Variants in HERC1 observed in about 807,000 individuals in gnomAD.
HERC1 encodes HECT and RLD domain containing E3 ubiquitin protein ligase family member 1, also known as probable E3 ubiquitin-protein ligase HERC1.
In HERC1, 160 loss-of-function variants were observed where a neutral mutation model predicts 554.3. The observed-to-expected ratio is 0.29, with a 90% CI of 0.25 to 0.33. The LOEUF is 0.33. HERC1 is among the 10% of genes least tolerant of loss of function. The probability of loss-of-function intolerance (pLI) is 1.00; values close to 1 mark genes in which losing one functional copy is unlikely to be tolerated. For missense variants in HERC1, 4,919 were observed against 5,918.5 expected (o/e 0.83, Z 5.54); for synonymous variants, 2,175 against 2,131.7 (o/e 1.02, Z -0.56).
At chr15:63,716,153 T>G in intron 22 of HERC1, 149 bp downstream of exon 22, 1 of 675,166 alleles carries the variant, frequency 1.5e-6, no homozygotes, top group Non-Finnish European at 2.5e-6. Context: ...TAGGAGCCCC[T>G]GTCAGCTAAT....
chr15:63,619,297 T>A (rs766652055), intron 74 of HERC1, among the ~76,000 whole-genome samples: 17 of 152,188 alleles, frequency 1.1e-4, no homozygotes, highest in Non-Finnish European at 1.9e-4. Context: ...CTGGATTATG[T>A]TTATTGATTT....
chr15:63,749,796 A>G lies in HERC1; in HGVS notation c.1903-5T>C. The G allele has an allele frequency of 1.3e-6, 2 of 1,541,102 alleles. No individual in the cohort carries two copies. The highest frequency in any genetic ancestry group is 2.4e-5 in the East Asian group (1 of 42,048). ...TCCACAGCCCCAAGCATAGACCTGA[A>G]AAAAACAGAAATACGTTACACATAA... is the stretch of plus-strand genomic sequence containing the variant. On this transcript the variant is annotated splice_polypyrimidine_tract_variant and splice_region_variant and intron_variant, in intron 8 of 77. Transcript: ENST00000443617. This position sits in a 1 kb window ranked among gnomAD's most constrained non-coding sequence, Gnocchi z 4.1.
intron 37 of HERC1, among the ~76,000 whole-genome samples, chr15:63,676,410 T>G (rs2071210091): frequency 1.3e-5 from 2 of 152,176 alleles, no homozygotes; most frequent in Admixed American, 6.5e-5. Context: ...ATCCATAGCA[T>G]TCACTAAATT....
chr15:63,642,505 T>G (rs1198492204), intron 59 of HERC1, among the ~76,000 whole-genome samples: 2 of 152,070 alleles, frequency 1.3e-5, no homozygotes, highest in East Asian at 3.9e-4. Flanking sequence ...GCCTGGCTAA[T>G]TTTTGTATTT....
intron 16 of HERC1, among the ~76,000 whole-genome samples, chr15:63,728,041 T>A (rs1567059009): frequency 6.6e-6 from 1 of 152,210 alleles, no homozygotes; most frequent in South Asian, 2.1e-4. Context: ...TAGGAAAGCA[T>A]ATGTATTCTC....
chr15:63,823,765 A>G (rs2077787112), intron 1 of HERC1, among the ~76,000 whole-genome samples: 1 of 152,218 alleles, frequency 6.6e-6, no homozygotes, highest in African/African-American at 2.4e-5. Context: ...ACTATACTAT[A>G]CTACTATTAT....
chr15:63,731,700 C>A (rs1027839841), intron 14 of HERC1, among the ~76,000 whole-genome samples: 2 of 152,076 alleles, frequency 1.3e-5, no homozygotes, highest in Admixed American at 1.3e-4. Flanking sequence ...AAAAAGAGTA[C>A]GTAGACCAGA....
chr15:63,637,511 A>G lies in HERC1; in HGVS notation c.12226T>C (p.Leu4076=). 1 of 1,568,404 alleles carries G rather than the reference A, an allele frequency of 6.4e-7. No homozygotes were observed. Among genetic ancestry groups the G allele is most frequent in the Non-Finnish European group, 8.7e-7 (1 of 1,154,932 alleles). The change falls in exon 64 of 78, where the codon TTA becomes CTA. Residue 4076 remains leucine (L), a synonymous_variant. Coordinates refer to ENST00000443617, the MANE Select transcript of HERC1 (RefSeq NM_003922.4). The part of the protein sequence containing the change: ...DLHVLTVISA[L]QGFVVTQLVT... ...TTATTAAGGACAATTTTACCTTGTAAGGCTGAAATAACTGTCAGCACATGA... is the reference window on the plus strand; with the variant it reads ...TTATTAAGGACAATTTTACCTTGTAGGGCTGAAATAACTGTCAGCACATGA...
At chr15:63,747,140 A>C in intron 11 of HERC1, 57 bp from the exon 12 acceptor site, 1 of 1,489,430 alleles carries the variant, frequency 6.7e-7, no homozygotes, top group Non-Finnish European at 9.1e-7. Context: ...TGTGCTATCC[A>C]GTTTGGGTAA....
intron 76 of HERC1, among the ~76,000 whole-genome samples, chr15:63,615,471 G>A (rs149338563): frequency 7.0e-4 from 106 of 152,260 alleles, no homozygotes; most frequent in African/African-American, 2.4e-3. Context: ...TTAGCTAGGC[G>A]TGGTGACACA....
chr15:63,656,241 A>C lies in HERC1; in HGVS notation c.9717T>G (p.Pro3239=), dbSNP rs1273388025. 6.2e-7 allele frequency: 1 copy of C among 1,613,720 alleles called. No individual in the cohort carries two copies. The highest frequency in any genetic ancestry group is 8.5e-7 in the Non-Finnish European group (1 of 1,179,816). Reference sequence around the variant, plus strand: ...GTTCTGAGGTGCTAGCCATGGCAGAAGGGCTGGTGGAGAGGCCAGCTCTCC... The same window carrying C: ...GTTCTGAGGTGCTAGCCATGGCAGACGGGCTGGTGGAGAGGCCAGCTCTCC... ...AAGRAGLSTS[P]SAMASTSERS... The change falls in exon 49 of 78, where the codon CCT becomes CCG. Residue 3239 remains proline, a synonymous_variant. Transcript: ENST00000443617.
chr15:63,829,594 T>TATATATATATAA (rs1555455841), intron 1 of HERC1, among the ~76,000 whole-genome samples: 3 of 131,466 alleles, frequency 2.3e-5, no homozygotes, highest in African/African-American at 5.8e-5. Flanking sequence ...TATATATATA[T>TATATATATATAA]AATATACTGA....
chr15:63,783,644 T>C (rs1596244158), intron 1 of HERC1, among the ~76,000 whole-genome samples: 1 of 152,214 alleles, frequency 6.6e-6, no homozygotes, highest in African/African-American at 2.4e-5. Flanking sequence ...CTCTAAGGTA[T>C]ATGCCAGTAC....
At chr15:63,630,193 T>G (rs984672997) in intron 69 of HERC1, among the ~76,000 whole-genome samples, 4 of 152,188 alleles carry the variant, frequency 2.6e-5, no homozygotes, top group Non-Finnish European at 5.9e-5. Context: ...CACTTAACAG[T>G]GTATGAGGAC....
chr15:63,805,985 G>A (rs2077127063), intron 1 of HERC1, among the ~76,000 whole-genome samples: 1 of 151,408 alleles, frequency 6.6e-6, no homozygotes, highest in Non-Finnish European at 1.5e-5. Flanking sequence ...TTACTTGCAG[G>A]CCCTGCCTCT....
intron 15 of HERC1, 62 bp from the exon 16 acceptor site, chr15:63,729,430 G>C: frequency 3.1e-6 from 5 of 1,595,774 alleles, no homozygotes; most frequent in Non-Finnish European, 4.3e-6. Context: ...AAAATATCAT[G>C]GCCTATCCAA....
Position 63,612,060 on chromosome 15 carries a change from C to T in HERC1, c.14400+191G>A, listed in dbSNP as rs1392054236. Among the ~76,000 whole-genome samples the T allele has an allele frequency of 1.3e-5, 2 of 152,190 alleles. No individual in the cohort carries two copies. Among genetic ancestry groups the T allele is most frequent in the African/African-American group, 2.4e-5 (1 of 41,440 alleles). On this transcript the variant is annotated intron_variant, in intron 77 of 77. Transcript: ENST00000443617. This position sits in a 1 kb window ranked among gnomAD's most constrained non-coding sequence, Gnocchi z 5.0. ...AAAATTAGCCAGGCGTGGTGGCACG[C>T]ACCTGTAGTCCCAGCTACTGCGGAG... is the stretch of plus-strand genomic sequence containing the variant.
intron 1 of HERC1, among the ~76,000 whole-genome samples, chr15:63,784,009 T>C (rs1211707626): frequency 6.7e-6 from 1 of 149,314 alleles, no homozygotes; most frequent in African/African-American, 2.5e-5. Flanking sequence ...GAGGTTACAG[T>C]GAGCCAAGAT....
Position 63,652,520 on chromosome 15 carries a change from T to C in HERC1, c.10312A>G (p.Asn3438Asp), listed in dbSNP as rs1465548328. 6.3e-7 allele frequency: 1 copy of C among 1,598,972 alleles called. No individual in the cohort carries two copies. Among genetic ancestry groups the C allele is most frequent in the South Asian group, 1.1e-5 (1 of 88,886 alleles). The change falls in exon 52 of 78, where the codon AAT (asparagine) becomes GAT (aspartate). Residue 3438 changes from asparagine (N) to aspartate (D), a missense_variant. Coordinates refer to ENST00000443617, the MANE Select transcript of HERC1 (RefSeq NM_003922.4). ...QNRVMTCVWC[N>D]KKGLLATSGN... ...CTTGTAGCCAAAAGACCTTTTTTAT[T>C]ACACCAAACACATGTCATTACCTAG...
Sources: gnomAD v4.1 joint callset for allele counts (sites outside exome capture counted in the v4.1 genomes callset) on GRCh38, gnomAD v4.1.1 for gene constraint, Gnocchi (gnomAD v3.1) non-coding constraint, MANE v1.5 for transcripts, NCBI Gene and HGNC (gene_info 2026-07-23, HGNC 2026-07-21) for gene names.